Variants in IFT172 observed in about 807,000 individuals in gnomAD.
IFT172 encodes the protein intraflagellar transport 172, also known as intraflagellar transport protein 172 homolog.
In IFT172, 164 loss-of-function variants were observed where a neutral mutation model predicts 248.9. That is an observed-to-expected ratio of 0.66 (90% CI 0.58 to 0.75). The LOEUF (loss-of-function observed/expected upper bound fraction) is 0.75. IFT172 is among the 30% of genes least tolerant of loss of function. IFT172 has a pLI of 0.00. For synonymous variants in IFT172, 729 were observed against 791.6 expected (o/e 0.92, Z 1.33); for missense variants, 1,950 against 2,192.4 (o/e 0.89, Z 2.21).
At chr2:27,478,214 C>T (rs1056497347) in intron 10 of IFT172, 58 bp from the exon 11 acceptor site, 1 of 1,603,580 alleles carries the variant, frequency 6.2e-7, no homozygotes, top group Non-Finnish European at 8.5e-7. Flanking sequence ...GAAGGGTGAA[C>T]AACCATGACC....
At chr2:27,463,245 T>C in intron 18 of IFT172, 64 bp from the exon 19 acceptor site, 5 of 1,454,064 alleles carry the variant, frequency 3.4e-6, no homozygotes, top group Non-Finnish European at 4.8e-6. Flanking sequence ...AATTCATTGG[T>C]TCAGCAAATA....
At chr2:27,479,905 T>C (rs1668233173) in intron 9 of IFT172, 121 bp downstream of exon 9, 1 of 1,348,746 alleles carries the variant, frequency 7.4e-7, no homozygotes, top group Admixed American at 2.8e-5. Context: ...GAATTTTAGG[T>C]CAGGGTCAAA....
chr2:27,448,301 G>A lies in IFT172; in HGVS notation c.4429-379C>T, dbSNP rs1051811489. On this transcript the variant is annotated intron_variant, in intron 40 of 47. Coordinates refer to ENST00000260570, the MANE Select transcript of IFT172 (RefSeq NM_015662.3). Reference sequence around the variant, plus strand: ...TTTTTAGTAGAGACGGGGTTTCACCGTGTTAGCCACAATGGTCTCGATCTC... The same window carrying A: ...TTTTTAGTAGAGACGGGGTTTCACCATGTTAGCCACAATGGTCTCGATCTC... 4.6e-5 allele frequency among the ~76,000 whole-genome samples: 7 copies of A among 152,172 alleles called. No individual in the cohort carries two copies. The South Asian group carries it at 8.3e-4, about 18-fold the overall frequency.
At chr2:27,484,143 T>C in intron 4 of IFT172, 84 bp downstream of exon 4, 1 of 1,571,738 alleles carries the variant, frequency 6.4e-7, no homozygotes, top group South Asian at 1.1e-5. Flanking sequence ...ATGTTAGAAA[T>C]GCAACTCCTG....
At chr2:27,453,948 C>T in intron 33 of IFT172, 34 bp downstream of exon 33, 3 of 1,579,384 alleles carry the variant, frequency 1.9e-6, no homozygotes, top group East Asian at 2.2e-5. Flanking sequence ...CAAACTCTCC[C>T]CCTCCCCTCA....
intron 14 of IFT172, chr2:27,475,386 A>G (rs984138167): frequency 1.3e-5 from 2 of 152,220 alleles, no homozygotes; most frequent in Non-Finnish European, 2.9e-5. Context: ...ATGCCCATCA[A>G]TAAGAGGGAG....
rs1572768352 is a variant in IFT172 at position 27,462,956 on chromosome 2, A to G, written c.2022+141T>C. On this transcript the variant is annotated intron_variant, in intron 19 of 47. Transcript: ENST00000260570. ...GAGGTTTAGCAAAAGCAATTCTGAA[A>G]TGGTCTGACTTGAGGGTAAAGGTGG... The G allele has an allele frequency of 5.2e-6, 6 of 1,142,860 alleles. No homozygotes were observed. The East Asian group carries it at 1.4e-4, about 28-fold the overall frequency. 70.8% of individuals were successfully genotyped at this position (1,142,860 alleles called of 1,614,324 possible).
At chr2:27,487,918 C>T (rs1319033513) in intron 1 of IFT172, among the ~76,000 whole-genome samples, 2 of 152,080 alleles carry the variant, frequency 1.3e-5, no homozygotes, top group Non-Finnish European at 2.9e-5. Flanking sequence ...ATGTGTAAAT[C>T]CATAAACCAT....
intron 7 of IFT172, among the ~76,000 whole-genome samples, chr2:27,482,589 T>C (rs999479161): frequency 2.0e-5 from 3 of 152,240 alleles, no homozygotes; most frequent in African/African-American, 7.2e-5. Flanking sequence ...ATTCTTAATG[T>C]AAATGATTCA....
chr2:27,487,109 A>AT (rs894610926), intron 1 of IFT172, among the ~76,000 whole-genome samples: 1 of 151,902 alleles, frequency 6.6e-6, no homozygotes, highest in African/African-American at 2.4e-5. Context: ...TGCCTGGCTA[A>AT]TTTTTTTATA....
rs1347288499 is a variant in IFT172, at chr2:27,449,581, A to G, written c.4161-19T>C. ...TTCATACCTGTGAAGATGTTCAGAG[A>G]GCTCCATCTTCATGTTCCAGAATAC... On this transcript the variant is annotated intron_variant, in intron 37 of 47. Coordinates refer to ENST00000260570, the MANE Select transcript of IFT172 (RefSeq NM_015662.3). 1.9e-6 allele frequency: 3 copies of G among 1,614,026 alleles called. No individual in the cohort carries two copies. Among genetic ancestry groups the G allele is most frequent in the Non-Finnish European group, 2.5e-6 (3 of 1,179,972 alleles).
intron 18 of IFT172, among the ~76,000 whole-genome samples, chr2:27,464,150 A>G (rs752812355): frequency 7.9e-5 from 12 of 152,166 alleles, no homozygotes; most frequent in Admixed American, 3.9e-4. Flanking sequence ...AGACATCAGG[A>G]TGTGTTTTGA....
chr2:27,461,418 C>A lies in IFT172; in HGVS notation c.2293G>T (p.Asp765Tyr). ...RAGELQESQGDGLAAISLYLK... is the reference protein window; with the variant it reads ...RAGELQESQGYGLAAISLYLK... ...TAGAGGCTGATGGCTGCTAGCCCAT[C>A]CCCTTGGCTCTCCTGTAGTTCACCT... The change falls in exon 22 of 48, where the codon GAT becomes TAT. Residue 765 changes from aspartate to tyrosine, a missense_variant. Physicochemically the swap from Asp to Tyr is radical, Grantham distance 160. Transcript: ENST00000260570. The A allele has an allele frequency of 6.2e-7, 1 of 1,614,168 alleles. No homozygotes were observed. Among genetic ancestry groups the A allele is most frequent in the Non-Finnish European group, 8.5e-7 (1 of 1,180,012 alleles).
rs1665955306 is a variant in IFT172 at position 27,454,107 on chromosome 2, G to A, written c.3586C>T (p.Pro1196Ser). ...ACAAGCACCTCGGCGACACTGTCAG[G>A]GTCGTGAGCCTCAGCCACACGCTGA... ...AAQRVAEAHDPDSVAEVLVGQ... is the reference protein window; with the variant it reads ...AAQRVAEAHDSDSVAEVLVGQ... The change falls in exon 33 of 48, where the codon CCT (proline) becomes TCT (serine). Residue 1196 changes from proline (P) to serine (S), a missense_variant. By Grantham distance (74) the Pro-to-Ser change is moderately conservative. Around this residue, in one of 3 missense-constraint regions of IFT172, gnomAD observed 620 missense variants for 699.0 expected, o/e 0.89. Coordinates refer to ENST00000260570, the MANE Select transcript of IFT172 (RefSeq NM_015662.3). This position sits in a 1 kb window ranked among gnomAD's most constrained non-coding sequence, Gnocchi z 4.2. The A allele has an allele frequency of 6.2e-7, 1 of 1,613,964 alleles. No individual in the cohort carries two copies. The highest frequency in any genetic ancestry group is 8.5e-7 in the Non-Finnish European group (1 of 1,179,972).
rs1669022527 is a variant in IFT172 at position 27,489,619 on chromosome 2, G to A, written c.35C>T (p.Pro12Leu). ...HLKHLRTLLSPQDGAAKVTCM... is the reference protein window; with the variant it reads ...HLKHLRTLLSLQDGAAKVTCM... Reference sequence around the variant, plus strand: ...GACTGGCACGCAATTCCTCACCTGAGGGCTCAGCAGGGTCCTCAGGTGCTT... The same window carrying A: ...GACTGGCACGCAATTCCTCACCTGAAGGCTCAGCAGGGTCCTCAGGTGCTT... Residue 12 changes from proline to leucine, a missense_variant, in exon 1 of 48, where the codon CCT becomes CTT. By Grantham distance (98) the Pro-to-Leu change is moderately conservative. This residue lies in a region of IFT172 where 1,166 missense variants were observed against 1,254.1 expected (regional missense o/e 0.93). Coordinates refer to ENST00000260570, the MANE Select transcript of IFT172 (RefSeq NM_015662.3). 1.2e-6 allele frequency: 2 copies of A among 1,612,004 alleles called. No homozygotes were observed. The highest frequency in any genetic ancestry group is 2.7e-5 in the African/African-American group (2 of 74,888).
intron 4 of IFT172, 74 bp from the exon 5 acceptor site, chr2:27,484,011 C>G: frequency 7.6e-7 from 1 of 1,308,160 alleles, no homozygotes; most frequent in Non-Finnish European, 1.1e-6. Context: ...CTTCAACACC[C>G]CACCACACAC....
chr2:27,483,892 A>G lies in IFT172; in HGVS notation c.382T>C (p.Phe128Leu), dbSNP rs1252918577. The G allele has an allele frequency of 1.9e-6, 3 of 1,613,960 alleles. No individual in the cohort carries two copies. Among genetic ancestry groups the G allele is most frequent in the Non-Finnish European group, 2.5e-6 (3 of 1,179,842 alleles). Residue 128 changes from phenylalanine to leucine, a missense_variant, in exon 5 of 48, where the codon TTT becomes CTT. Around this residue, in one of 3 missense-constraint regions of IFT172, gnomAD observed 1,166 missense variants for 1,254.1 expected, o/e 0.93. Coordinates refer to ENST00000260570, the MANE Select transcript of IFT172 (RefSeq NM_015662.3). ...LQWPAEYIIV[F>L]GLAEGKVRLA... ...TTTACCTTCCCTTCAGCCAGTCCAA[A>G]GACAATGATGTATTCTGCCGGCCAT...
chr2:27,471,511 A>G (rs1214747176), intron 15 of IFT172, among the ~76,000 whole-genome samples: 2 of 152,238 alleles, frequency 1.3e-5, no homozygotes, highest in Non-Finnish European at 1.5e-5. Context: ...TATTGGGATG[A>G]GAATCAATGA....
intron 25 of IFT172, 40 bp from the exon 26 acceptor site, chr2:27,458,908 C>T: frequency 6.2e-7 from 1 of 1,608,676 alleles, no homozygotes; most frequent in Non-Finnish European, 8.5e-7. Context: ...GTCAGAGCAA[C>T]AGACTTAAAG....
Sources: gnomAD v4.1 joint callset for allele counts (sites outside exome capture counted in the v4.1 genomes callset) on GRCh38, gnomAD v4.1.1 for gene constraint, gnomAD v4.1.1 regional missense constraint, Gnocchi (gnomAD v3.1) non-coding constraint, MANE v1.5 for transcripts, NCBI Gene and HGNC (gene_info 2026-07-23, HGNC 2026-07-21) for gene names.